Variants in SUSD5 observed in about 807,000 individuals in gnomAD.
SUSD5 encodes the protein sushi domain containing 5, also known as sushi domain-containing protein 5.
In SUSD5, 33 loss-of-function variants were observed where a neutral mutation model predicts 29.5. The observed-to-expected ratio is 1.12, with a 90% CI of 0.85 to 1.49. The LOEUF (loss-of-function observed/expected upper bound fraction) is 1.49. Ranked by LOEUF, SUSD5 falls within the 40% of genes most tolerant of loss-of-function variation. The pLI, the probability that SUSD5 is intolerant of heterozygous loss-of-function variation, is 0.00. For synonymous variants in SUSD5, 308 were observed against 325.3 expected (o/e 0.95, Z 0.57); for missense variants, 776 against 800.6 (o/e 0.97, Z 0.37).
At position 33,157,343 on chromosome 3, in the gene SUSD5, A is replaced by G. The variant is rs572385535; in HGVS notation, c.599-3310T>C. 7.9e-5 allele frequency among the ~76,000 whole-genome samples: 12 copies of G among 152,364 alleles called. No individual in the cohort carries two copies. In the South Asian group the frequency reaches 2.1e-3, roughly 26 times the overall value. On this transcript the variant is annotated intron_variant, in intron 4 of 4. Transcript: ENST00000309558. ...ATTCTGAATGGGCGTTAGGTTTTGC[A>G]TTGAAGTACTGTCCTTCCTTCAAAA...
chr3:33,179,318 T>C (rs2031621948), intron 3 of SUSD5, among the ~76,000 whole-genome samples: 1 of 152,170 alleles, frequency 6.6e-6, no homozygotes, highest in African/African-American at 2.4e-5. Context: ...CCTATGAGCC[T>C]TCAGAAATCA....
intron 1 of SUSD5, among the ~76,000 whole-genome samples, chr3:33,215,870 T>C (rs1490940806): frequency 2.6e-5 from 4 of 152,152 alleles, no homozygotes; most frequent in East Asian, 3.9e-4. Context: ...GCCTCAGATC[T>C]CACATTATTA....
At chr3:33,213,469 G>GA (rs1460928407) in intron 2 of SUSD5, among the ~76,000 whole-genome samples, 1 of 152,118 alleles carries the variant, frequency 6.6e-6, no homozygotes, top group East Asian at 1.9e-4. Context: ...CAGAACTCCA[G>GA]AAAAATGCTT....
Position 33,207,825 on chromosome 3 carries a change from A to C in SUSD5, c.392T>G (p.Leu131Arg). 6.2e-7 allele frequency: 1 copy of C among 1,610,968 alleles called. No individual in the cohort carries two copies. The highest frequency in any genetic ancestry group is 1.1e-5 in the South Asian group (1 of 90,954). The stretch of plus-strand genomic sequence containing the variant: ...GCACTGACCTTCATCCTTAATACAA[A>C]GGGCACTGTATGTGCCACCAGGAAC... ...NPVPGGTYSA[L>R]CIKDEEKPCG... Residue 131 changes from leucine (L) to arginine (R), a missense_variant, in exon 3 of 5, where the codon CTT becomes CGT. Transcript: ENST00000309558.
chr3:33,166,246 C>G (rs1437419427), intron 4 of SUSD5, among the ~76,000 whole-genome samples: 1 of 152,134 alleles, frequency 6.6e-6, no homozygotes, highest in Non-Finnish European at 1.5e-5. Context: ...CCCTGAATAT[C>G]TGAAACAGCT....
At chr3:33,201,653 C>A (rs1199173288) in intron 3 of SUSD5, among the ~76,000 whole-genome samples, 5 of 152,078 alleles carry the variant, frequency 3.3e-5, no homozygotes, top group Admixed American at 2.0e-4. Flanking sequence ...GGTGAGGGGG[C>A]ATCACTGCTT....
chr3:33,195,778 T>G (rs895716514), intron 3 of SUSD5, among the ~76,000 whole-genome samples: 4 of 151,200 alleles, frequency 2.6e-5, no homozygotes, highest in Admixed American at 2.6e-4. Context: ...TCTTATATGT[T>G]GTTCATATAA....
At chr3:33,200,336 A>AG (rs1181052268) in intron 3 of SUSD5, among the ~76,000 whole-genome samples, 2 of 152,382 alleles carry the variant, frequency 1.3e-5, no homozygotes, top group African/African-American at 4.8e-5. Context: ...TTTAAATAGC[A>AG]GCCTAAGCAG....
intron 3 of SUSD5, among the ~76,000 whole-genome samples, chr3:33,194,671 C>T (rs954566567): frequency 1.3e-5 from 2 of 151,860 alleles, no homozygotes; most frequent in Non-Finnish European, 2.9e-5. Flanking sequence ...AGTAGTTCCA[C>T]TTAACTGATA....
chr3:33,168,521 G>A, intron 4 of SUSD5: 2 of 985,434 alleles, frequency 2.0e-6, no homozygotes, highest in Non-Finnish European at 1.2e-6. Context: ...GGAACTTACT[G>A]AGGGGACAGC....
chr3:33,174,981 G>C lies in SUSD5; in HGVS notation c.503C>G (p.Ala168Gly). ...EMGDELLYVC[A>G]PGHIMGHRET... ...CCGGTGGCCCATGATGTGGCCTGGG[G>C]CACACACGTACAGCAGTTCATCCCC... The change falls in exon 4 of 5, where the codon GCC becomes GGC. Residue 168 changes from alanine (A) to glycine (G), a missense_variant. Transcript: ENST00000309558. The C allele has an allele frequency of 6.2e-7, 1 of 1,614,036 alleles. No individual in the cohort carries two copies. The highest frequency in any genetic ancestry group is 8.5e-7 in the Non-Finnish European group (1 of 1,179,896).
intron 4 of SUSD5, among the ~76,000 whole-genome samples, chr3:33,164,751 A>G (rs1391907668): frequency 6.6e-6 from 1 of 152,214 alleles, no homozygotes; most frequent in Non-Finnish European, 1.5e-5. Context: ...TAATAGCCAG[A>G]AAACATATGA....
chr3:33,175,079 G>A lies in SUSD5; in HGVS notation c.410-5C>T. ...GCGGGTCTCCACACGGCTTCTCTGA[G>A]GAGAAGGAATCACAGTTAGCTTTTC... is the stretch of plus-strand genomic sequence containing the variant. On this transcript the variant is annotated splice_polypyrimidine_tract_variant and splice_region_variant and intron_variant, in intron 3 of 4. Coordinates refer to ENST00000309558, the MANE Select transcript of SUSD5 (RefSeq NM_015551.2). The A allele has an allele frequency of 6.2e-7, 1 of 1,613,826 alleles. No individual in the cohort carries two copies. The highest frequency in any genetic ancestry group is 8.5e-7 in the Non-Finnish European group (1 of 1,179,732).
chr3:33,198,554 G>C (rs1440097278), intron 3 of SUSD5, among the ~76,000 whole-genome samples: 1 of 152,176 alleles, frequency 6.6e-6, no homozygotes, highest in Admixed American at 6.5e-5. Context: ...TGTTCAAAAA[G>C]TGCATCCTAG....
chr3:33,188,629 T>G (rs1221106859), intron 3 of SUSD5, among the ~76,000 whole-genome samples: 1 of 152,200 alleles, frequency 6.6e-6, no homozygotes. Context: ...GGAGAACTGC[T>G]GCTGTGGATC....
chr3:33,194,748 G>C (rs1351722904), intron 3 of SUSD5, among the ~76,000 whole-genome samples: 1 of 152,174 alleles, frequency 6.6e-6, no homozygotes, highest in Admixed American at 6.5e-5. Flanking sequence ...GAGGCCATGA[G>C]TGCAGATGAT....
chr3:33,178,612 A>G (rs1245129125), intron 3 of SUSD5, among the ~76,000 whole-genome samples: 1 of 151,948 alleles, frequency 6.6e-6, no homozygotes, highest in East Asian at 1.9e-4. Context: ...ACGCCCGGCT[A>G]ATTTTTTGTA....
intron 1 of SUSD5, among the ~76,000 whole-genome samples, chr3:33,217,785 G>A (rs1259618153): frequency 1.3e-5 from 2 of 152,004 alleles, no homozygotes; most frequent in Non-Finnish European, 2.9e-5. Flanking sequence ...CTAAATTGAC[G>A]GAGGGCTTTT....
chr3:33,205,016 C>A (rs1455739829), intron 3 of SUSD5, among the ~76,000 whole-genome samples: 1 of 151,854 alleles, frequency 6.6e-6, no homozygotes, highest in Non-Finnish European at 1.5e-5. Flanking sequence ...TGTGTGTATA[C>A]ATATATATAT....
Sources: allele counts gnomAD v4.1 joint callset (sites outside exome capture counted in the v4.1 genomes callset), GRCh38; gene constraint gnomAD v4.1.1; transcripts MANE v1.5; gene names NCBI Gene and HGNC (gene_info 2026-07-23, HGNC 2026-07-21).